BBOF1: variants seen among roughly 807,000 people sequenced by gnomAD.
BBOF1 encodes the protein basal body orientation factor 1.
In BBOF1, 62 loss-of-function variants were observed where a neutral mutation model predicts 68.0. The ratio of observed to expected loss-of-function variants is 0.91; its 90% CI spans 0.74 to 1.13. BBOF1 has a LOEUF of 1.13. Ranked by LOEUF, BBOF1 falls within the 50% of genes most tolerant of loss-of-function variation. The pLI, the probability that BBOF1 is intolerant of heterozygous loss-of-function variation, is 0.00. For missense variants in BBOF1, 534 were observed against 600.1 expected, an observed-to-expected ratio of 0.89 and a Z score of 1.15; for synonymous variants, 208 against 198.8, an observed-to-expected ratio of 1.05 and a Z score of -0.39.
At chr14:74,077,959 A>G (rs1595133172) in intron 9 of BBOF1, among the ~76,000 whole-genome samples, 1 of 152,212 alleles carries the variant, frequency 6.6e-6, no homozygotes, top group East Asian at 1.9e-4. Context: ...GTCATTGTAA[A>G]TAACGGCACG....
At chr14:74,038,917 T>C (rs1261937505) in intron 4 of BBOF1, among the ~76,000 whole-genome samples, 2 of 151,728 alleles carry the variant, frequency 1.3e-5, no homozygotes, top group Non-Finnish European at 2.9e-5. Flanking sequence ...AAGAAAGAAA[T>C]GAAAAAGAAA....
downstream of BBOF1, chr14:74,066,846 G>A (rs750093532): frequency 1.9e-6 from 3 of 1,613,886 alleles, no homozygotes; most frequent in Admixed American, 5.0e-5. Flanking sequence ...CTTTGGCCTG[G>A]GGAGTGATCA....
At chr14:74,035,774 TTGG>T (rs1353593443) in intron 4 of BBOF1, among the ~76,000 whole-genome samples, 17 of 151,768 alleles carry the variant, frequency 1.1e-4, no homozygotes, top group Admixed American at 9.9e-4. Context: ...TTCTTATAAC[TTGG>T]TGGATGACTT....
At chr14:74,081,702 C>G (rs2060669272) in intron 12 of BBOF1, among the ~76,000 whole-genome samples, 1 of 152,154 alleles carries the variant, frequency 6.6e-6, no homozygotes, top group African/African-American at 2.4e-5. Flanking sequence ...TTGGCTCTTT[C>G]CCTAGGTCCC....
chr14:74,057,264 G>C lies in BBOF1; in HGVS notation c.1578+6G>C, dbSNP rs1181396750. 6.2e-7 allele frequency: 1 copy of C among 1,613,998 alleles called. No homozygotes were observed. The highest frequency in any genetic ancestry group is 8.5e-7 in the Non-Finnish European group (1 of 1,180,002). On this transcript the variant is annotated splice_donor_region_variant and intron_variant, in intron 11 of 11. Transcript: ENST00000394009. ...AACCTCAGGAGTCTGACACAGTAAG[G>C]AGTCTGTATCTAATCAAACAATGTA...
In BBOF1 at chr14:74,064,620, T is replaced by G. The variant is rs2060428228; in HGVS notation, c.1579-68T>G. The G allele has an allele frequency of 4.0e-6, 6 of 1,489,652 alleles. No homozygotes were observed. In the East Asian group the frequency reaches 1.4e-4, roughly 34 times the overall value. 92.3% of individuals were successfully genotyped at this position (1,489,652 alleles called of 1,614,324 possible). On this transcript the variant is annotated intron_variant, in intron 11 of 11. Transcript: ENST00000394009. Reference sequence around the variant, plus strand: ...TCCCCATGCTCTTTCCTCAAAACTTTGTTGCTTTGAATTATTCAGGAAGAA... The same window carrying G: ...TCCCCATGCTCTTTCCTCAAAACTTGGTTGCTTTGAATTATTCAGGAAGAA...
chr14:74,053,567 C>T (rs564820740), intron 8 of BBOF1, among the ~76,000 whole-genome samples: 38 of 152,118 alleles, frequency 2.5e-4, no homozygotes, highest in Non-Finnish European at 4.1e-4. Context: ...CCATGCCAGG[C>T]TAATTTTAAA....
At chr14:74,043,976 T>A (rs1266221469) in intron 5 of BBOF1, among the ~76,000 whole-genome samples, 2 of 151,938 alleles carry the variant, frequency 1.3e-5, no homozygotes, top group Non-Finnish European at 2.9e-5. Flanking sequence ...CTGGGCACGG[T>A]GGCTCACGCC....
At chr14:74,069,107 T>C (rs545399668), downstream of BBOF1, 339 of 1,067,848 alleles carry the variant, frequency 3.2e-4, no homozygotes, top group Admixed American at 4.2e-4. Context: ...TTTTCTTTTT[T>C]TTTTTTTTTT....
At chr14:74,071,725 G>C (rs1291655128) in intron 9 of BBOF1, 10 of 1,453,796 alleles carry the variant, frequency 6.9e-6, no homozygotes, top group Non-Finnish European at 9.4e-6. Flanking sequence ...AAAGAGTAAA[G>C]TAAATCAGTC....
intron 1 of BBOF1, among the ~76,000 whole-genome samples, chr14:74,021,956 G>C (rs1313204118): frequency 1.3e-5 from 2 of 152,036 alleles, no homozygotes; most frequent in African/African-American, 4.8e-5. Flanking sequence ...TAAAGTGGGT[G>C]GGAGATCACA....
intron 7 of BBOF1, chr14:74,048,375 T>G (rs79625325): frequency 0.012 from 2,434 of 204,194 alleles, 23 homozygotes; most frequent in Non-Finnish European, 0.018. Context: ...TAGGAATACA[T>G]TTAGCGGTGA....
intron 2 of BBOF1, among the ~76,000 whole-genome samples, chr14:74,026,155 G>A (rs1466387600): frequency 6.9e-5 from 8 of 116,724 alleles, no homozygotes; most frequent in African/African-American, 2.4e-4. Context: ...AAAAAAAAAA[G>A]AGAGAGACTG....
exon 10 of BBOF1, chr14:74,078,317 T>G (rs1456102310): frequency 8.8e-6 from 4 of 452,780 alleles, no homozygotes; most frequent in African/African-American, 8.0e-5. Flanking sequence ...ACCGAGACAG[T>G]GGTGCACGAT....
intron 9 of BBOF1, 38 bp downstream of exon 9, chr14:74,055,723 A>T (rs767784881): frequency 1.4e-6 from 2 of 1,478,636 alleles, no homozygotes; most frequent in Admixed American, 1.7e-5. Context: ...CCAAGTTGTT[A>T]TCAAATCTAG....
At chr14:74,069,160 A>T (rs1354578727), downstream of BBOF1, 2 of 576,710 alleles carry the variant, frequency 3.5e-6, no homozygotes, top group Non-Finnish European at 5.4e-6. Context: ...GCTGGAGTGC[A>T]GTGGCACAAT....
intron 4 of BBOF1, among the ~76,000 whole-genome samples, chr14:74,037,589 C>T (rs1327804580): frequency 2.0e-5 from 3 of 151,496 alleles, no homozygotes; most frequent in African/African-American, 7.3e-5. Flanking sequence ...CATGCCCAGC[C>T]ACCTGTCTTT....
intron 4 of BBOF1, among the ~76,000 whole-genome samples, chr14:74,034,969 A>C (rs959694940): frequency 7.9e-5 from 12 of 152,200 alleles, no homozygotes; most frequent in Non-Finnish European, 1.5e-4. Flanking sequence ...GCTCGTGCGT[A>C]TAGTCCCAGC....
chr14:74,040,029 G>A (rs563735150), intron 4 of BBOF1, among the ~76,000 whole-genome samples: 3 of 150,840 alleles, frequency 2.0e-5, no homozygotes, highest in African/African-American at 4.9e-5. Context: ...GACTAGTCTC[G>A]CTCTGTTGCC....
Sources: gnomAD v4.1 joint callset for allele counts (sites outside exome capture counted in the v4.1 genomes callset) on GRCh38, gnomAD v4.1.1 for gene constraint, MANE v1.5 for transcripts, NCBI Gene and HGNC (gene_info 2026-07-23, HGNC 2026-07-21) for gene names.